RANBP2: variants seen among roughly 807,000 people sequenced by gnomAD.
RANBP2 encodes the protein E3 SUMO-protein ligase RanBP2.
Under a neutral mutation model 303.6 loss-of-function variants are expected in RANBP2, and 57 were observed. The ratio of observed to expected loss-of-function variants is 0.19; its 90% CI spans 0.15 to 0.23. RANBP2 has a LOEUF of 0.23. Among genes scored for constraint, RANBP2 ranks in the 10% least tolerant of loss-of-function variants. The pLI, the probability that RANBP2 is intolerant of heterozygous loss-of-function variation, is 1.00. For synonymous variants in RANBP2, 1,167 were observed against 1,301.5 expected, an observed-to-expected ratio of 0.90 and a Z score of 2.23; for missense variants, 3,138 against 3,780.8, an observed-to-expected ratio of 0.83 and a Z score of 4.46.
chr2:108,748,819 G>A lies in RANBP2; in HGVS notation c.1064-101G>A, dbSNP rs1044622451. 11 of 1,607,956 alleles carry A rather than the reference G, an allele frequency of 6.8e-6. No individual in the cohort carries two copies. The South Asian group carries it at 7.7e-5, about 11-fold the overall frequency. ...TTTGGGTTGGAGGGTTAGGTATGCA[G>A]TAATCATGTTATTTCCCCTTTGGGT... On this transcript the variant is annotated intron_variant, in intron 8 of 28. Coordinates refer to ENST00000283195, the MANE Select transcript of RANBP2 (RefSeq NM_006267.5).
downstream of RANBP2, chr2:108,786,975 G>A: frequency 1.7e-6 from 2 of 1,208,564 alleles, no homozygotes; most frequent in Non-Finnish European, 2.2e-6. Context: ...GGCCCGCTCC[G>A]TGCCCCGCGC....
At chr2:109,175,297 T>C in the RANBP2 span, among the ~76,000 whole-genome samples, 5 of 152,224 alleles carry the variant, frequency 3.3e-5, no homozygotes, top group African/African-American at 1.2e-4. Flanking sequence ...AATCTTTGCA[T>C]GGTTTTATCT....
chr2:109,433,274 A>T, the RANBP2 span, among the ~76,000 whole-genome samples: 1 of 152,246 alleles, frequency 6.6e-6, no homozygotes, highest in Non-Finnish European at 1.5e-5. Context: ...AGGAAAAATG[A>T]TATCTTCCCA....
chr2:108,750,536 A>C (rs187739932), intron 9 of RANBP2, among the ~76,000 whole-genome samples: 7 of 146,334 alleles, frequency 4.8e-5, no homozygotes, highest in African/African-American at 1.7e-4. Flanking sequence ...ATACCTCTTT[A>C]TGCTTCCAGA....
chr2:109,468,127 C>T, the RANBP2 span, among the ~76,000 whole-genome samples: 13 of 152,326 alleles, frequency 8.5e-5, no homozygotes, highest in Non-Finnish European at 1.6e-4. Flanking sequence ...AAAAACGCGT[C>T]GTTTGGTGAT....
At chr2:109,021,086 G>A in the RANBP2 span, among the ~76,000 whole-genome samples, 15 of 152,312 alleles carry the variant, frequency 9.8e-5, no homozygotes, top group African/African-American at 3.6e-4. Flanking sequence ...CTGGGGGTCG[G>A]TGGGAATGCT....
chr2:109,257,726 G>A, the RANBP2 span, among the ~76,000 whole-genome samples: 10 of 152,122 alleles, frequency 6.6e-5, no homozygotes. Context: ...AGAGCTCCCT[G>A]TCTCAGTGTC....
chr2:109,434,221 C>A, the RANBP2 span, among the ~76,000 whole-genome samples: 1 of 152,250 alleles, frequency 6.6e-6, no homozygotes, highest in Non-Finnish European at 1.5e-5. Flanking sequence ...CGGGTGTCCA[C>A]ACCTCTGGGC....
At chr2:109,490,802 G>A in the RANBP2 span, 6 of 1,537,016 alleles carry the variant, frequency 3.9e-6, no homozygotes, top group African/African-American at 1.4e-5. Flanking sequence ...AGAGCGAGAT[G>A]CAGGGTGCCA....
the RANBP2 span, among the ~76,000 whole-genome samples, chr2:109,657,691 C>A: frequency 6.7e-6 from 1 of 150,364 alleles, no homozygotes. Context: ...CGATGGAAAG[C>A]TCCACAGGCA....
At chr2:109,107,990 C>T in the RANBP2 span, among the ~76,000 whole-genome samples, 2 of 152,226 alleles carry the variant, frequency 1.3e-5, no homozygotes, top group African/African-American at 4.8e-5. Context: ...ACTGCAAGCT[C>T]CGCCTCACGG....
the RANBP2 span, among the ~76,000 whole-genome samples, chr2:109,329,808 C>T: frequency 6.6e-6 from 1 of 152,234 alleles, no homozygotes; most frequent in Non-Finnish European, 1.5e-5. Flanking sequence ...AGCCCACCTT[C>T]AACCCAGCTT....
the RANBP2 span, among the ~76,000 whole-genome samples, chr2:108,932,840 G>A: frequency 2.6e-5 from 4 of 152,278 alleles, no homozygotes; most frequent in East Asian, 3.9e-4. Flanking sequence ...CTTCCCATCC[G>A]AGGCAGACAA....
At chr2:109,350,831 T>C in the RANBP2 span, among the ~76,000 whole-genome samples, 5 of 152,322 alleles carry the variant, frequency 3.3e-5, no homozygotes, top group Non-Finnish European at 5.9e-5. Flanking sequence ...CTGGGGAATG[T>C]TTTTATTCTT....
chr2:108,749,614 C>G (rs1402750824), intron 9 of RANBP2, among the ~76,000 whole-genome samples: 2 of 151,998 alleles, frequency 1.3e-5, no homozygotes, highest in African/African-American at 4.8e-5. Flanking sequence ...TATTTTGAGA[C>G]AGGGTCTCGC....
the RANBP2 span, among the ~76,000 whole-genome samples, chr2:109,314,425 C>G: frequency 1.3e-5 from 2 of 152,152 alleles, no homozygotes; most frequent in African/African-American, 4.8e-5. Context: ...AGCCAGGGAG[C>G]AGAGATAGAG....
At chr2:109,589,820 T>C in the RANBP2 span, among the ~76,000 whole-genome samples, 2 of 152,046 alleles carry the variant, frequency 1.3e-5, no homozygotes, top group Non-Finnish European at 2.9e-5. Flanking sequence ...ACAGCAGTTT[T>C]ATTCCCAATG....
chr2:109,329,955 T>C, the RANBP2 span, among the ~76,000 whole-genome samples: 6 of 152,344 alleles, frequency 3.9e-5, no homozygotes, highest in Admixed American at 3.9e-4. Context: ...AATGGGTTCT[T>C]GGACCCCTAG....
chr2:108,750,950 T>C (rs1306243937), intron 9 of RANBP2, among the ~76,000 whole-genome samples: 8 of 152,224 alleles, frequency 5.3e-5, no homozygotes, highest in Non-Finnish European at 5.9e-5. Context: ...GGGTTTCTTA[T>C]TAGGTTAGGT....
Sources: allele counts gnomAD v4.1 joint callset (sites outside exome capture counted in the v4.1 genomes callset), GRCh38; gene constraint gnomAD v4.1.1; transcripts MANE v1.5; gene names NCBI Gene and HGNC (gene_info 2026-07-23, HGNC 2026-07-21).